FIP1L1: variants seen among roughly 807,000 people sequenced by gnomAD.
FIP1L1 encodes factor interacting with PAPOLA and CPSF1.
FIP1L1 carries 21 observed loss-of-function variants against 84.6 expected under a neutral mutation model. The ratio of observed to expected loss-of-function variants is 0.25; its 90% CI spans 0.18 to 0.36. The LOEUF is 0.36. FIP1L1 is among the 10% of genes least tolerant of loss of function. The pLI is 1.00. For synonymous variants in FIP1L1, 263 were observed against 242.3 expected, an observed-to-expected ratio of 1.09 and a Z score of -0.80; for missense variants, 526 against 751.1, an observed-to-expected ratio of 0.70 and a Z score of 3.50.
chr4:53,451,950 C>T (rs1414386968), intron 15 of FIP1L1, among the ~76,000 whole-genome samples: 12 of 149,986 alleles, frequency 8.0e-5, no homozygotes, highest in Non-Finnish European at 7.4e-5. Flanking sequence ...GTGGTGCAAT[C>T]TCGGCTCACT....
At chr4:53,390,680 C>G in intron 7 of FIP1L1, 52 bp downstream of exon 7, 2 of 1,293,912 alleles carry the variant, frequency 1.5e-6, no homozygotes, top group Non-Finnish European at 2.2e-6. Context: ...GTGAAGTCAT[C>G]AGAAAATTTT....
chr4:53,382,262 CT>C lies in FIP1L1; in HGVS notation c.171-12del, dbSNP rs759704712. 1.7e-5 allele frequency: 28 copies of C among 1,602,854 alleles called. No individual in the cohort carries two copies. The Admixed American group carries it at 4.5e-4, about 26-fold the overall frequency. ...AAGTAATGCCTGACATGTATACTTACTTTTGTTGTTTGTAGTGCTAATCCTC... is the reference window on the plus strand; with the variant it reads ...AAGTAATGCCTGACATGTATACTTACTTTGTTGTTTGTAGTGCTAATCCTC... On this transcript the variant is annotated splice_polypyrimidine_tract_variant and intron_variant, in intron 3 of 17. Coordinates refer to ENST00000337488, the MANE Select transcript of FIP1L1 (RefSeq NM_030917.4).
intron 10 of FIP1L1, among the ~76,000 whole-genome samples, chr4:53,405,993 C>T (rs1753194505): frequency 1.3e-5 from 2 of 151,758 alleles, no homozygotes; most frequent in Non-Finnish European, 2.9e-5. Flanking sequence ...AATTGAATAC[C>T]CTTTATTTCC....
intron 9 of FIP1L1, among the ~76,000 whole-genome samples, chr4:53,392,981 G>A (rs765341427): frequency 6.6e-6 from 1 of 152,250 alleles, no homozygotes; most frequent in South Asian, 2.1e-4. Flanking sequence ...AATAGGGTGT[G>A]TATTAAGAAT....
rs1444246424 is a variant in FIP1L1, at chr4:53,459,777, CCA to C, written c.*331_*332del. On this transcript the variant is annotated 3_prime_UTR_variant, in exon 18 of 18. Transcript: ENST00000337488. ...GAAAAGGTCAAGGGTTCCACTTGGG[CCA>C]CAGTTTTTTTGTTAATCAAACACCA... 3.1e-6 allele frequency: 1 copy of C among 322,450 alleles called. No homozygotes were observed. The highest frequency in any genetic ancestry group is 5.8e-6 in the Non-Finnish European group (1 of 173,344). 20.0% of individuals were successfully genotyped at this position (322,450 alleles called of 1,614,324 possible).
intron 13 of FIP1L1, among the ~76,000 whole-genome samples, chr4:53,434,761 C>T (rs1458014077): frequency 6.6e-6 from 1 of 152,188 alleles, no homozygotes; most frequent in African/African-American, 2.4e-5. Flanking sequence ...AGCCGCTGCG[C>T]CTGGCCACAG....
chr4:53,384,008 A>T (rs967789977), intron 5 of FIP1L1, 132 bp downstream of exon 5: 43 of 878,844 alleles, frequency 4.9e-5, no homozygotes, highest in Non-Finnish European at 5.6e-5. Flanking sequence ...AACTTGTTAA[A>T]GTTTCATCAT....
At chr4:53,424,264 T>C (rs1247030891) in intron 11 of FIP1L1, among the ~76,000 whole-genome samples, 1 of 152,164 alleles carries the variant, frequency 6.6e-6, no homozygotes, top group Non-Finnish European at 1.5e-5. Flanking sequence ...GAAATGTTTG[T>C]ATATCAGAGG....
intron 13 of FIP1L1, among the ~76,000 whole-genome samples, chr4:53,436,383 C>T (rs1375315759): frequency 6.6e-6 from 1 of 152,132 alleles, no homozygotes; most frequent in East Asian, 1.9e-4. Context: ...TTTTTCTAGG[C>T]TGTTGCATTG....
intron 10 of FIP1L1, among the ~76,000 whole-genome samples, chr4:53,410,820 T>G (rs1385182609): frequency 6.6e-6 from 1 of 152,220 alleles, no homozygotes; most frequent in East Asian, 1.9e-4. Flanking sequence ...TTACTGTGTT[T>G]AATTATAAAT....
intron 3 of FIP1L1, among the ~76,000 whole-genome samples, chr4:53,380,635 A>G (rs1238214849): frequency 2.6e-5 from 4 of 152,212 alleles, no homozygotes; most frequent in Non-Finnish European, 4.4e-5. Flanking sequence ...AGGAGCTGAA[A>G]CTACAGTTCA....
chr4:53,410,295 A>C (rs896090248), intron 10 of FIP1L1, among the ~76,000 whole-genome samples: 1 of 152,012 alleles, frequency 6.6e-6, no homozygotes, highest in Non-Finnish European at 1.5e-5. Context: ...CACCTTTCTG[A>C]TTTGCTTCAA....
At chr4:53,416,725 G>A (rs986538582) in intron 11 of FIP1L1, among the ~76,000 whole-genome samples, 2 of 152,148 alleles carry the variant, frequency 1.3e-5, no homozygotes, top group Non-Finnish European at 2.9e-5. Flanking sequence ...AGCACTTTGG[G>A]AGACCGAGGC....
intron 13 of FIP1L1, 118 bp from the exon 14 acceptor site, chr4:53,442,535 A>T (rs1772403556): frequency 2.9e-6 from 2 of 685,478 alleles, no homozygotes; most frequent in Admixed American, 2.5e-5. Flanking sequence ...CATTATTACA[A>T]CATAGAGAAG....
At chr4:53,427,962 AT>A in intron 12 of FIP1L1, 64 bp from the exon 13 acceptor site, 1 of 1,289,618 alleles carries the variant, frequency 7.8e-7, no homozygotes, top group Non-Finnish European at 1.1e-6. Context: ...AATGAAATTA[AT>A]TTACTAAGAT....
At chr4:53,397,246 T>C (rs548479128) in intron 9 of FIP1L1, among the ~76,000 whole-genome samples, 30 of 152,344 alleles carry the variant, frequency 2.0e-4, no homozygotes, top group Middle Eastern at 6.8e-3. Flanking sequence ...TGGGAACTTA[T>C]AAGCAATCAC....
intron 9 of FIP1L1, 27 bp downstream of exon 9, chr4:53,391,525 T>G (rs1282114783): frequency 6.4e-7 from 1 of 1,565,256 alleles, no homozygotes; most frequent in East Asian, 2.2e-5. Context: ...TATCCTTGGT[T>G]GCTCTCATTT....
At chr4:53,447,316 T>C (rs1278711159) in intron 15 of FIP1L1, among the ~76,000 whole-genome samples, 1 of 152,108 alleles carries the variant, frequency 6.6e-6, no homozygotes, top group Non-Finnish European at 1.5e-5. Context: ...GCTCCTCTTC[T>C]CATTTATATA....
intron 10 of FIP1L1, among the ~76,000 whole-genome samples, chr4:53,403,788 G>A (rs1751556054): frequency 1.3e-5 from 2 of 152,164 alleles, no homozygotes. Flanking sequence ...CCGGCTGCAG[G>A]CATTGCAGTT....
Sources: gnomAD v4.1 joint callset for allele counts (sites outside exome capture counted in the v4.1 genomes callset) on GRCh38, gnomAD v4.1.1 for gene constraint, MANE v1.5 for transcripts, NCBI Gene and HGNC (gene_info 2026-07-23, HGNC 2026-07-21) for gene names.